The following ANKRD44 variants were observed in gnomAD, a reference collection of about 807,000 sequenced individuals.
ANKRD44 encodes ankyrin repeat domain 44.
In ANKRD44, 35 loss-of-function variants were observed where a neutral mutation model predicts 116.0. That is an observed-to-expected ratio of 0.30 (90% CI 0.23 to 0.40). The LOEUF (loss-of-function observed/expected upper bound fraction) is 0.40. Ranked by LOEUF, ANKRD44 falls within the 10% of genes least tolerant of loss-of-function variation. The probability of loss-of-function intolerance (pLI) is 1.00; values close to 1 mark genes in which losing one functional copy is unlikely to be tolerated. For missense variants in ANKRD44, 1,014 were observed against 1,242.6 expected (o/e 0.82, Z 2.77); for synonymous variants, 435 against 461.8 (o/e 0.94, Z 0.74).
chr2:197,014,528 C>A (rs1002632548), intron 17 of ANKRD44, among the ~76,000 whole-genome samples: 3 of 152,048 alleles, frequency 2.0e-5, no homozygotes, highest in African/African-American at 7.3e-5. Context: ...TGGCTCACAC[C>A]TATAATCCCA....
In ANKRD44 at chr2:197,186,612, C is replaced by CTTTCTTTT. The variant is rs2080671746; in HGVS notation, c.111+410_111+411insAAAAGAAA. On this transcript the variant is annotated intron_variant, in intron 2 of 27. Transcript: ENST00000282272. ...CCATCACTATGCCCGGCTAATTTTT[C>CTTTCTTTT]TTTTTTTTTTTTTTTTTTTTTTTTT... Among the ~76,000 whole-genome samples, 5 of 50,810 alleles carry CTTTCTTTT rather than the reference C, an allele frequency of 9.8e-5. No individual in the cohort carries two copies. The Admixed American group carries it at 1.1e-3, about 11-fold the overall frequency. The allele number at this position is 50,810 out of a possible 152,430, so 33.3% of individuals were successfully genotyped here. A position where few individuals can be genotyped will look rare whatever the true frequency, so the allele number is the denominator to read the frequency against.
intron 1 of ANKRD44, among the ~76,000 whole-genome samples, chr2:197,206,430 T>C (rs1008728299): frequency 2.0e-5 from 3 of 152,168 alleles, no homozygotes; most frequent in Non-Finnish European, 4.4e-5. Flanking sequence ...GTGCCTGTAA[T>C]CCCAGCACTT....
intron 2 of ANKRD44, among the ~76,000 whole-genome samples, chr2:197,162,357 T>C (rs2079987691): frequency 6.6e-6 from 1 of 152,216 alleles, no homozygotes; most frequent in South Asian, 2.1e-4. Flanking sequence ...CTACCTCTTA[T>C]GAACCGTTTT....
intron 1 of ANKRD44, among the ~76,000 whole-genome samples, chr2:197,260,443 T>C (rs547205957): frequency 6.6e-6 from 1 of 152,336 alleles, no homozygotes; most frequent in East Asian, 1.9e-4. Context: ...TAGTATTCCA[T>C]GGTGTATATG....
In ANKRD44 at chr2:197,212,800, A is replaced by G. The variant is rs1458794810; in HGVS notation, c.28-25694T>C. The stretch of plus-strand genomic sequence containing the variant: ...GGTGGACACGTACACACACAAACAC[A>G]CACTTCAATCAGGAACTCGGTGATC... On this transcript the variant is annotated intron_variant, in intron 1 of 27. Coordinates refer to ENST00000282272, the MANE Select transcript of ANKRD44 (RefSeq NM_001195144.2). This position sits in a 1 kb window ranked among gnomAD's most constrained non-coding sequence, Gnocchi z 4.8. 3.3e-5 allele frequency among the ~76,000 whole-genome samples: 5 copies of G among 152,120 alleles called. No individual in the cohort carries two copies. Among genetic ancestry groups the G allele is most frequent in the African/African-American group, 1.2e-4 (5 of 41,416 alleles).
chr2:197,162,098 C>T (rs578129719), intron 2 of ANKRD44, among the ~76,000 whole-genome samples: 12 of 152,324 alleles, frequency 7.9e-5, no homozygotes, highest in African/African-American at 1.7e-4. Flanking sequence ...CATTACTATT[C>T]GTGATCCATC....
intron 2 of ANKRD44, among the ~76,000 whole-genome samples, chr2:197,155,920 A>T (rs925984827): frequency 1.3e-5 from 2 of 152,236 alleles, no homozygotes; most frequent in Non-Finnish European, 2.9e-5. Context: ...TATATTGGAT[A>T]AAGGACTTCT....
chr2:197,185,397 C>T (rs1036050741), intron 2 of ANKRD44, among the ~76,000 whole-genome samples: 13 of 152,184 alleles, frequency 8.5e-5, no homozygotes, highest in African/African-American at 2.4e-4. Flanking sequence ...AGCATTCAGC[C>T]GACCAGACAG....
chr2:197,233,698 T>C lies in ANKRD44; in HGVS notation c.28-46592A>G, dbSNP rs542943077. Among the ~76,000 whole-genome samples, 129 of 152,306 alleles carry C rather than the reference T, an allele frequency of 8.5e-4. 1 individual carries two copies. The highest frequency in any genetic ancestry group is 2.7e-3 in the African/African-American group (114 of 41,560). On this transcript the variant is annotated intron_variant, in intron 1 of 27. Coordinates refer to ENST00000282272, the MANE Select transcript of ANKRD44 (RefSeq NM_001195144.2). The stretch of plus-strand genomic sequence containing the variant: ...TCTTGTTGTTCAGCAATAGCTCAAG[T>C]TTAACCTCAGTCACCTTTTGCCAAG...
chr2:197,264,398 A>G (rs890571805), intron 1 of ANKRD44, among the ~76,000 whole-genome samples: 3 of 152,190 alleles, frequency 2.0e-5, no homozygotes, highest in Non-Finnish European at 2.9e-5. Flanking sequence ...TTCAACCGCT[A>G]TCTTTTGTTT....
intron 1 of ANKRD44, among the ~76,000 whole-genome samples, chr2:197,217,150 G>A (rs1232776749): frequency 1.3e-5 from 2 of 151,872 alleles, no homozygotes; most frequent in Non-Finnish European, 2.9e-5. Flanking sequence ...TTTTTTCATG[G>A]TCCAATGATC....
Position 196,989,642 on chromosome 2 carries a change from C to T in ANKRD44, c.2931G>A (p.Arg977=), listed in dbSNP as rs1468139974. ...CVLAVDENAS[R]SNGPRSTPGT... is the part of the protein sequence containing the mutation. ...CAGGTGTGGAACGGGGTCCATTTGACCTAGAAGCTTTGGCAGAGGGAGCAG... is the reference window on the plus strand; with the variant it reads ...CAGGTGTGGAACGGGGTCCATTTGATCTAGAAGCTTTGGCAGAGGGAGCAG... The change falls in exon 28 of 28, where the codon AGG becomes AGA. Residue 977 remains arginine (R), a synonymous_variant. Transcript: ENST00000282272. 1.3e-6 allele frequency: 2 copies of T among 1,550,200 alleles called. No individual in the cohort carries two copies. Among genetic ancestry groups the T allele is most frequent in the Non-Finnish European group, 1.7e-6 (2 of 1,146,788 alleles).
In ANKRD44 at chr2:197,310,698, G is replaced by T; in HGVS notation, c.-94C>A. On this transcript the variant is annotated 5_prime_UTR_variant, in exon 1 of 28. Coordinates refer to ENST00000282272, the MANE Select transcript of ANKRD44 (RefSeq NM_001195144.2). ...AAGCGGAAGGGATTGCCAGGAGAAG[G>T]GAAAAAATCTGGCTCCCGAATTTGA... 8.1e-7 allele frequency: 1 copy of T among 1,229,770 alleles called. No homozygotes were observed. 76.2% of individuals were successfully genotyped at this position (1,229,770 alleles called of 1,614,324 possible).
In ANKRD44 at chr2:197,212,562, C is replaced by T. The variant is rs1257404708; in HGVS notation, c.28-25456G>A. ...AGTAGGCCCTCAATAAATCTCTGCTCATGATTCATTCACATTCATTCAAAA... is the reference window on the plus strand; with the variant it reads ...AGTAGGCCCTCAATAAATCTCTGCTTATGATTCATTCACATTCATTCAAAA... On this transcript the variant is annotated intron_variant, in intron 1 of 27. Transcript: ENST00000282272. The surrounding 1 kb of genome is among the most constrained non-coding windows in gnomAD (Gnocchi z 4.8). 6.6e-6 allele frequency among the ~76,000 whole-genome samples: 1 copy of T among 152,190 alleles called. No homozygotes were observed. The highest frequency in any genetic ancestry group is 1.5e-5 in the Non-Finnish European group (1 of 68,022).
chr2:197,183,898 T>TA (rs1354297999), intron 2 of ANKRD44, among the ~76,000 whole-genome samples: 1 of 152,200 alleles, frequency 6.6e-6, no homozygotes, highest in Admixed American at 6.5e-5. Context: ...TATATATCTC[T>TA]CAAGCCTCAG....
intron 16 of ANKRD44, among the ~76,000 whole-genome samples, chr2:197,060,976 C>T (rs1037857693): frequency 6.6e-6 from 1 of 152,314 alleles, no homozygotes; most frequent in African/African-American, 2.4e-5. Flanking sequence ...GTGAATAGTG[C>T]TGCAGTGAAC....
chr2:196,986,403 G>GA (rs924283440), downstream of ANKRD44, among the ~76,000 whole-genome samples: 1 of 146,896 alleles, frequency 6.8e-6, no homozygotes, highest in Non-Finnish European at 1.5e-5. Flanking sequence ...CAACAGAGCA[G>GA]AAAAAAACAA....
At position 197,212,837 on chromosome 2, in the gene ANKRD44, G is replaced by A. The variant is rs1157580480; in HGVS notation, c.28-25731C>T. Among the ~76,000 whole-genome samples, 2 of 152,150 alleles carry A rather than the reference G, an allele frequency of 1.3e-5. No individual in the cohort carries two copies. The highest frequency in any genetic ancestry group is 6.6e-5 in the Admixed American group (1 of 15,266). ...GGAACTCGGTGATCACATGCCCACG[G>A]TGAGAGAGAAAAAAGGAAACACGAC... On this transcript the variant is annotated intron_variant, in intron 1 of 27. Transcript: ENST00000282272. This position sits in a 1 kb window ranked among gnomAD's most constrained non-coding sequence, Gnocchi z 4.8.
intron 1 of ANKRD44, among the ~76,000 whole-genome samples, chr2:197,204,899 A>G (rs1217581549): frequency 6.6e-6 from 1 of 152,226 alleles, no homozygotes; most frequent in African/African-American, 2.4e-5. Context: ...ACCCGATCTA[A>G]AGGCTGGGTG....
Sources: gnomAD v4.1 joint callset for allele counts (sites outside exome capture counted in the v4.1 genomes callset) on GRCh38, gnomAD v4.1.1 for gene constraint, Gnocchi (gnomAD v3.1) non-coding constraint, MANE v1.5 for transcripts, NCBI Gene and HGNC (gene_info 2026-07-23, HGNC 2026-07-21) for gene names.